The following SPHKAP variants were observed in gnomAD, a reference collection of about 807,000 sequenced individuals.
The protein encoded by SPHKAP is SPHK1 interactor, AKAP domain containing, also known as A-kinase anchor protein SPHKAP.
SPHKAP carries 67 observed loss-of-function variants against 137.5 expected under a neutral mutation model. That is an observed-to-expected ratio of 0.49 (90% CI 0.40 to 0.60). The LOEUF (loss-of-function observed/expected upper bound fraction) is 0.60, where lower values mean the gene tolerates loss of function less well. Ranked by LOEUF, SPHKAP falls within the 20% of genes least tolerant of loss-of-function variation. SPHKAP has a pLI of 0.00. For missense variants in SPHKAP, 2,097 were observed against 2,069.3 expected (o/e 1.01, Z -0.26); for synonymous variants, 813 against 785.3 (o/e 1.04, Z -0.59).
chr2:228,105,472 G>A (rs1698310589), intron 3 of SPHKAP, among the ~76,000 whole-genome samples: 1 of 152,108 alleles, frequency 6.6e-6, no homozygotes, highest in Non-Finnish European at 1.5e-5. Flanking sequence ...TATTTTTTCA[G>A]AATAGCAAAT....
At chr2:228,055,682 C>A (rs1195366742) in intron 3 of SPHKAP, among the ~76,000 whole-genome samples, 2 of 152,216 alleles carry the variant, frequency 1.3e-5, no homozygotes, top group Non-Finnish European at 2.9e-5. Context: ...AGTGCTATTG[C>A]ATACTGATGA....
chr2:228,109,423 A>T, intron 2 of SPHKAP: 1 of 957,954 alleles, frequency 1.0e-6, no homozygotes, highest in Non-Finnish European at 1.2e-6. Flanking sequence ...AGAACACCTA[A>T]GGTACTATGT....
chr2:228,088,928 T>C (rs531093536), intron 3 of SPHKAP, among the ~76,000 whole-genome samples: 5 of 152,176 alleles, frequency 3.3e-5, no homozygotes, highest in Non-Finnish European at 7.3e-5. Flanking sequence ...GTCTCAAGTA[T>C]TCTTTTATGG....
intron 11 of SPHKAP, chr2:227,982,349 C>T: frequency 1.0e-6 from 1 of 985,356 alleles, no homozygotes; most frequent in Non-Finnish European, 1.2e-6. Context: ...TGAGAAGCAA[C>T]TCCCTCACCC....
Position 228,021,749 on chromosome 2 carries a change from T to G in SPHKAP, c.659A>C (p.His220Pro). Residue 220 changes from histidine to proline, a missense_variant, in exon 6 of 12, where the codon CAC (histidine) becomes CCC (proline). Transcript: ENST00000392056. Reference sequence around the variant, plus strand: ...ATCCACCTCGCTTTCCTCCTCCAAGTGCTCAGAAGCGGTGAGAAAGTCTTC... The same window carrying G: ...ATCCACCTCGCTTTCCTCCTCCAAGGGCTCAGAAGCGGTGAGAAAGTCTTC... ...IEEDFLTASE[H>P]LEEESEVDES... 1 of 1,614,000 alleles carries G rather than the reference T, an allele frequency of 6.2e-7. No individual in the cohort carries two copies. The highest frequency in any genetic ancestry group is 1.7e-5 in the Admixed American group (1 of 59,992).
chr2:228,045,742 G>C (rs1002842722), intron 3 of SPHKAP, among the ~76,000 whole-genome samples: 1 of 151,490 alleles, frequency 6.6e-6, no homozygotes, highest in Admixed American at 6.6e-5. Flanking sequence ...AAAACTTAAA[G>C]TATAATAATA....
intron 2 of SPHKAP, among the ~76,000 whole-genome samples, chr2:228,119,534 A>G (rs1373296559): frequency 1.3e-5 from 2 of 150,268 alleles, no homozygotes; most frequent in African/African-American, 4.9e-5. Context: ...ATGTAATTTT[A>G]TACATTTAAC....
At chr2:228,123,312 A>T (rs975220298) in intron 2 of SPHKAP, among the ~76,000 whole-genome samples, 2 of 152,322 alleles carry the variant, frequency 1.3e-5, no homozygotes, top group Middle Eastern at 3.4e-3. Context: ...GTTTTGCAAA[A>T]ACTGGCTAGG....
chr2:228,016,787 A>ATCC lies in SPHKAP; in HGVS notation c.4064_4066dup (p.Arg1355dup), dbSNP rs770166769. On this transcript the variant is annotated inframe_insertion, in exon 7 of 12. Transcript: ENST00000392056. ...AACAAGCAGAGTTGGCCCACTGCACATCCTGCTCGCAGCTAATCTATTTGC... is the reference window on the plus strand; with the variant it reads ...AACAAGCAGAGTTGGCCCACTGCACATCCTCCTGCTCGCAGCTAATCTATTTGC... 1 of 1,614,056 alleles carries ATCC rather than the reference A, an allele frequency of 6.2e-7. No individual in the cohort carries two copies. Among genetic ancestry groups the ATCC allele is most frequent in the African/African-American group, 1.3e-5 (1 of 75,006 alleles).
intron 1 of SPHKAP, among the ~76,000 whole-genome samples, chr2:228,160,583 G>A (rs910146380): frequency 2.6e-5 from 4 of 152,018 alleles, no homozygotes; most frequent in Non-Finnish European, 5.9e-5. Context: ...GGGGGTAATC[G>A]CCCCTATGAT....
At chr2:228,160,927 C>T (rs1158624881) in intron 1 of SPHKAP, among the ~76,000 whole-genome samples, 2 of 152,160 alleles carry the variant, frequency 1.3e-5, no homozygotes, top group African/African-American at 4.8e-5. Context: ...ATTTGTCTAA[C>T]GAACATTTGT....
At chr2:228,147,382 A>G (rs1235827164) in intron 1 of SPHKAP, among the ~76,000 whole-genome samples, 1 of 152,236 alleles carries the variant, frequency 6.6e-6, no homozygotes, top group Non-Finnish European at 1.5e-5. Flanking sequence ...AAAAATCAAT[A>G]CAAGATGCAT....
intron 7 of SPHKAP, among the ~76,000 whole-genome samples, chr2:228,006,933 G>A (rs1694164334): frequency 2.0e-5 from 3 of 152,210 alleles, no homozygotes; most frequent in South Asian, 4.1e-4. Flanking sequence ...GCCGTGTGAG[G>A]TGTCAGTCTT....
At chr2:228,071,593 A>G (rs1334924817) in intron 3 of SPHKAP, among the ~76,000 whole-genome samples, 1 of 152,148 alleles carries the variant, frequency 6.6e-6, no homozygotes, top group Non-Finnish European at 1.5e-5. Flanking sequence ...TGCATTTTCA[A>G]TACAAAATGA....
intron 1 of SPHKAP, among the ~76,000 whole-genome samples, chr2:228,152,928 C>T (rs541328446): frequency 3.2e-4 from 49 of 152,128 alleles, no homozygotes; most frequent in African/African-American, 1.2e-3. Context: ...CAGGGGGGAC[C>T]CAGTGGAAGA....
At chr2:228,012,163 C>CAAAAAAAA (rs544782857) in intron 7 of SPHKAP, among the ~76,000 whole-genome samples, 160 of 84,816 alleles carry the variant, frequency 1.9e-3, no homozygotes, top group Non-Finnish European at 2.4e-3. Flanking sequence ...GACTCTACCT[C>CAAAAAAAA]AAAAAAAAAA....
intron 2 of SPHKAP, among the ~76,000 whole-genome samples, chr2:228,110,127 C>A (rs1698474342): frequency 6.6e-6 from 1 of 151,830 alleles, no homozygotes; most frequent in South Asian, 2.1e-4. Flanking sequence ...TTGGTTAATG[C>A]CACTAAAATA....
At position 228,022,802 on chromosome 2, in the gene SPHKAP, C is replaced by T. The variant is rs558089522; in HGVS notation, c.442-836G>A. 4.6e-5 allele frequency among the ~76,000 whole-genome samples: 7 copies of T among 152,212 alleles called. No homozygotes were observed. In the East Asian group the frequency reaches 1.4e-3, roughly 29 times the overall value. Reference sequence around the variant, plus strand: ...TTACCTCTCTTGATTAAATTGAGTCCCAGTTTCTCAGATCAGTATCTTTCT... The same window carrying T: ...TTACCTCTCTTGATTAAATTGAGTCTCAGTTTCTCAGATCAGTATCTTTCT... On this transcript the variant is annotated intron_variant, in intron 5 of 11. Transcript: ENST00000392056.
intron 1 of SPHKAP, among the ~76,000 whole-genome samples, chr2:228,172,279 G>C (rs190082952): frequency 4.2e-4 from 64 of 152,252 alleles, no homozygotes; most frequent in South Asian, 8.3e-4. Context: ...AATGGGCAAT[G>C]TGTGAATTGA....
Sources: gnomAD v4.1 joint callset for allele counts (sites outside exome capture counted in the v4.1 genomes callset) on GRCh38, gnomAD v4.1.1 for gene constraint, MANE v1.5 for transcripts, NCBI Gene and HGNC (gene_info 2026-07-23, HGNC 2026-07-21) for gene names.